The following PPM1H variants were observed in gnomAD, a reference collection of about 807,000 sequenced individuals.
PPM1H encodes the protein protein phosphatase 1H.
Under a neutral mutation model 54.9 loss-of-function variants are expected in PPM1H, and 27 were observed. The observed-to-expected ratio is 0.49, with a 90% CI of 0.36 to 0.68. PPM1H has a LOEUF of 0.68. Ranked by LOEUF, PPM1H falls within the 30% of genes least tolerant of loss-of-function variation. The pLI, the probability that PPM1H is intolerant of heterozygous loss-of-function variation, is 0.00. For synonymous variants in PPM1H, 305 were observed against 270.8 expected (o/e 1.13, Z -1.24); for missense variants, 596 against 667.8 (o/e 0.89, Z 1.19).
At chr12:62,732,524 C>A (rs1346608080) in intron 5 of PPM1H, among the ~76,000 whole-genome samples, 1 of 151,974 alleles carries the variant, frequency 6.6e-6, no homozygotes, top group Non-Finnish European at 1.5e-5. Context: ...GGACTGCAGA[C>A]ATCTGCTCAA....
intron 1 of PPM1H, among the ~76,000 whole-genome samples, chr12:62,855,987 C>G (rs1869371601): frequency 1.3e-5 from 2 of 152,198 alleles, no homozygotes; most frequent in Admixed American, 1.3e-4. Flanking sequence ...AGGCAAGACC[C>G]TTCCAAATGC....
rs565715453 is a variant in PPM1H, at chr12:62,720,540, G to A, written c.955-251C>T. ...ATTGTAACCAAATGCATAGCTGAAG[G>A]GATCAGGAAAAAAGACTGAGCTTCT... On this transcript the variant is annotated intron_variant, in intron 5 of 9. Transcript: ENST00000228705. The A allele has an allele frequency of 1.4e-5, 6 of 435,408 alleles. No individual in the cohort carries two copies. The South Asian group carries it at 1.4e-4, about 10-fold the overall frequency. The allele number at this position is 435,408 out of a possible 1,614,324, so 27.0% of individuals were successfully genotyped here. A position where few individuals can be genotyped will look rare whatever the true frequency, so the allele number is the denominator to read the frequency against.
chr12:62,923,558 A>C (rs1296825524), intron 1 of PPM1H, among the ~76,000 whole-genome samples: 1 of 152,050 alleles, frequency 6.6e-6, no homozygotes, highest in African/African-American at 2.4e-5. Context: ...TGTACCACCA[A>C]GTCTGGCTAA....
At chr12:62,673,629 G>A (rs2075968743) in intron 8 of PPM1H, among the ~76,000 whole-genome samples, 1 of 150,528 alleles carries the variant, frequency 6.6e-6, no homozygotes, top group East Asian at 2.0e-4. Flanking sequence ...TGGCTTTGTG[G>A]AAGAGAAAGA....
rs113201638 is a variant in PPM1H, at chr12:62,787,072, C to T, written c.869+1154G>A. 4.3e-3 allele frequency among the ~76,000 whole-genome samples: 658 copies of T among 152,262 alleles called. 2 individuals are homozygous for T. The highest frequency in any genetic ancestry group is 7.1e-3 in the Non-Finnish European group (485 of 68,028). ...CTCTGGGATCTTCCCTTGGAAAGGA[C>T]GCTTTACTAGGAGGAACGAAGGCTG... On this transcript the variant is annotated intron_variant, in intron 4 of 9. Transcript: ENST00000228705.
intron 9 of PPM1H, among the ~76,000 whole-genome samples, chr12:62,663,698 T>TGTAAGAATTCTTGCCGG (rs2075899224): frequency 6.6e-6 from 1 of 152,120 alleles, no homozygotes; most frequent in Non-Finnish European, 1.5e-5. Flanking sequence ...GCCTTTAAGT[T>TGTAAGAATTCTTGCCGG]GTAAGAATTC....
chr12:62,683,068 T>TATG (rs2076031252), intron 8 of PPM1H, among the ~76,000 whole-genome samples: 1 of 146,156 alleles, frequency 6.8e-6, no homozygotes, highest in Non-Finnish European at 1.5e-5. Flanking sequence ...TTATTATTAT[T>TATG]ATTATTATTA....
At chr12:62,695,856 G>C (rs555146471) in intron 6 of PPM1H, among the ~76,000 whole-genome samples, 1 of 152,140 alleles carries the variant, frequency 6.6e-6, no homozygotes, top group Non-Finnish European at 1.5e-5. Context: ...AAGGCCCTGA[G>C]ATGAGCGTGA....
chr12:62,743,009 C>A (rs1301739660), intron 4 of PPM1H, among the ~76,000 whole-genome samples: 1 of 152,112 alleles, frequency 6.6e-6, no homozygotes, highest in East Asian at 1.9e-4. Flanking sequence ...TCTTATGAGT[C>A]AACCGCAAGA....
rs186847361 is a variant in PPM1H, at chr12:62,833,169, T to C, written c.246-890A>G. Among the ~76,000 whole-genome samples the C allele has an allele frequency of 1.2e-3, 186 of 152,278 alleles. 1 individual carries two copies. Among genetic ancestry groups the C allele is most frequent in the African/African-American group, 4.3e-3 (177 of 41,542 alleles). ...CGTTTCCTTTCTAAAGCTTCAACAGTGTCACAGTCCTGACAGAGTGAGTGT... is the reference window on the plus strand; with the variant it reads ...CGTTTCCTTTCTAAAGCTTCAACAGCGTCACAGTCCTGACAGAGTGAGTGT... On this transcript the variant is annotated intron_variant, in intron 1 of 9. Transcript: ENST00000228705.
At chr12:62,851,600 G>C (rs1255452334) in intron 1 of PPM1H, among the ~76,000 whole-genome samples, 2 of 152,088 alleles carry the variant, frequency 1.3e-5, no homozygotes, top group African/African-American at 2.4e-5. Flanking sequence ...CTACTTGGGA[G>C]GCTGAGGCAG....
chr12:62,800,112 G>A (rs536052), intron 3 of PPM1H, among the ~76,000 whole-genome samples: 21,675 of 152,158 alleles, frequency 0.14, 2,228 homozygotes, highest in African/African-American at 0.3. Context: ...ATAAAAAGAG[G>A]ATGCAAATTT....
At chr12:62,845,935 C>A (rs1565807666) in intron 1 of PPM1H, among the ~76,000 whole-genome samples, 1 of 152,146 alleles carries the variant, frequency 6.6e-6, no homozygotes, top group African/African-American at 2.4e-5. Context: ...CAAGGAGCAT[C>A]CTTGTCCTCC....
At chr12:62,784,356 C>T (rs2076659116) in intron 4 of PPM1H, among the ~76,000 whole-genome samples, 1 of 152,154 alleles carries the variant, frequency 6.6e-6, no homozygotes, top group African/African-American at 2.4e-5. Context: ...CTGAATACAA[C>T]CCCTAAGTGT....
At chr12:62,665,868 G>T (rs1592531586) in intron 9 of PPM1H, among the ~76,000 whole-genome samples, 2 of 151,864 alleles carry the variant, frequency 1.3e-5, no homozygotes, top group East Asian at 3.9e-4. Context: ...CCCCTGAGTA[G>T]TTGGAACCAC....
intron 3 of PPM1H, among the ~76,000 whole-genome samples, chr12:62,795,724 G>A (rs749442069): frequency 7.2e-5 from 11 of 152,022 alleles, no homozygotes; most frequent in Non-Finnish European, 1.0e-4. Context: ...GAGCCACCAC[G>A]CCCAGCCTTG....
At chr12:62,768,479 C>A (rs868639842) in intron 4 of PPM1H, among the ~76,000 whole-genome samples, 4 of 152,056 alleles carry the variant, frequency 2.6e-5, no homozygotes, top group African/African-American at 4.8e-5. Context: ...CATAGTGAAA[C>A]CCTGTCTCTA....
At chr12:62,724,099 A>C (rs1350752924) in intron 5 of PPM1H, among the ~76,000 whole-genome samples, 1 of 152,202 alleles carries the variant, frequency 6.6e-6, no homozygotes, top group Non-Finnish European at 1.5e-5. Flanking sequence ...GGCCTTGCTA[A>C]GTACCCCTAC....
chr12:62,930,041 C>T (rs1184382319), intron 1 of PPM1H, among the ~76,000 whole-genome samples: 2 of 152,068 alleles, frequency 1.3e-5, no homozygotes, highest in Non-Finnish European at 2.9e-5. Flanking sequence ...AGGGGATTTC[C>T]GAGCTTTGGG....
Sources: gnomAD v4.1 joint callset for allele counts (sites outside exome capture counted in the v4.1 genomes callset) on GRCh38, gnomAD v4.1.1 for gene constraint, MANE v1.5 for transcripts, NCBI Gene and HGNC (gene_info 2026-07-23, HGNC 2026-07-21) for gene names.